Variants in OGFOD1 observed in about 807,000 individuals in gnomAD.
OGFOD1 encodes 2-oxoglutarate and iron dependent oxygenase domain containing 1.
Under a neutral mutation model 67.7 loss-of-function variants are expected in OGFOD1, and 54 were observed. The observed-to-expected ratio is 0.80, with a 90% confidence interval of 0.64 to 1.00. The LOEUF (loss-of-function observed/expected upper bound fraction) is 1.00, where lower values mean the gene tolerates loss of function less well. OGFOD1 is among the 50% of genes least tolerant of loss of function. The probability of loss-of-function intolerance (pLI) is 0.00; values close to 1 mark genes in which losing one functional copy is unlikely to be tolerated. For synonymous variants in OGFOD1, 221 were observed against 227.0 expected (o/e 0.97, Z 0.24); for missense variants, 606 against 646.7 (o/e 0.94, Z 0.68).
At chr16:56,468,222 G>T (rs1962984905) in intron 8 of OGFOD1, among the ~76,000 whole-genome samples, 1 of 152,028 alleles carries the variant, frequency 6.6e-6, no homozygotes, top group African/African-American at 2.4e-5. Flanking sequence ...GAATCCCTTG[G>T]ATATTCCCCA....
In OGFOD1 at chr16:56,462,406, G is replaced by C; in HGVS notation, c.348-128G>C. The C allele has an allele frequency of 1.9e-5, 12 of 626,398 alleles. No individual in the cohort carries two copies. The South Asian group carries it at 2.3e-4, about 12-fold the overall frequency. The allele number at this position is 626,398 out of a possible 1,614,324, so 38.8% of individuals were successfully genotyped here. On this transcript the variant is annotated intron_variant, in intron 3 of 12. Transcript: ENST00000566157. The stretch of plus-strand genomic sequence containing the variant: ...ACATTTCTCAGAATGTCTCAAATGA[G>C]ATCGGAGAATGGATCTCTTGAATAC...
At position 56,476,445 on chromosome 16, in the gene OGFOD1, CT is replaced by C; in HGVS notation, c.*245del. 13 of 326,234 alleles carry C rather than the reference CT, an allele frequency of 4.0e-5. No homozygotes were observed. The highest frequency in any genetic ancestry group is 5.0e-5 in the East Asian group (1 of 19,956). 20.2% of individuals were successfully genotyped at this position (326,234 alleles called of 1,614,324 possible). ...GCTTTTTTTTTTTTAACATTTAGTCCTTTTTCCATATTGGCTTCTTCAGTGA... is the reference window on the plus strand; with the variant it reads ...GCTTTTTTTTTTTTAACATTTAGTCCTTTTCCATATTGGCTTCTTCAGTGA... On this transcript the variant is annotated 3_prime_UTR_variant, in exon 13 of 13. Transcript: ENST00000566157.
intron 10 of OGFOD1, among the ~76,000 whole-genome samples, chr16:56,474,522 G>C (rs180987262): frequency 6.6e-6 from 1 of 151,294 alleles, no homozygotes; most frequent in African/African-American, 2.4e-5. Flanking sequence ...GTTTCTCCAT[G>C]TTGGTCAGGC....
chr16:56,467,306 G>A lies in OGFOD1; in HGVS notation c.786+13G>A. ...CATCCCACAAGATGTAAGAAGAATT[G>A]CTGATATCCTTATCTTAGGAGCTAT... is the stretch of plus-strand genomic sequence containing the variant. On this transcript the variant is annotated intron_variant, in intron 7 of 12. Coordinates refer to ENST00000566157, the MANE Select transcript of OGFOD1 (RefSeq NM_018233.4). 1 of 1,613,892 alleles carries A rather than the reference G, an allele frequency of 6.2e-7. No homozygotes were observed. Among genetic ancestry groups the A allele is most frequent in the Non-Finnish European group, 8.5e-7 (1 of 1,179,938 alleles).
At chr16:56,475,265 A>G (rs981854126) in intron 11 of OGFOD1, among the ~76,000 whole-genome samples, 1 of 152,214 alleles carries the variant, frequency 6.6e-6, no homozygotes, top group Non-Finnish European at 1.5e-5. Flanking sequence ...CTTAATTTTC[A>G]TATTCAAAGT....
intron 4 of OGFOD1, among the ~76,000 whole-genome samples, chr16:56,464,859 A>G (rs1057251904): frequency 5.3e-5 from 8 of 152,118 alleles, no homozygotes; most frequent in Non-Finnish European, 8.8e-5. Flanking sequence ...ATACTTAACA[A>G]TCAAGATCTG....
In OGFOD1 at chr16:56,468,010, T is replaced by C; in HGVS notation, c.892T>C (p.Phe298Leu). 1.3e-6 allele frequency: 2 copies of C among 1,522,190 alleles called. No individual in the cohort carries two copies. Among genetic ancestry groups the C allele is most frequent in the Non-Finnish European group, 1.8e-6 (2 of 1,096,520 alleles). 94.3% of individuals were successfully genotyped at this position (1,522,190 alleles called of 1,614,324 possible). The change falls in exon 8 of 13, where the codon TTT becomes CTT. Residue 298 changes from phenylalanine (F) to leucine (L), a missense_variant. Physicochemically the swap from Phe to Leu is conservative, Grantham distance 22. Coordinates refer to ENST00000566157, the MANE Select transcript of OGFOD1 (RefSeq NM_018233.4). ...EESSEILLKE[F>L]LKPEKFTKVC... ...AAGTTCTGAAATTCTCCTGAAGGAG[T>C]TTCTTAAGGTAAGCTTAGCGTATGT...
In OGFOD1 at chr16:56,469,990, G is replaced by C. The variant is rs778487997; in HGVS notation, c.901-13G>C. The C allele has an allele frequency of 6.2e-7, 1 of 1,612,536 alleles. No homozygotes were observed. Among genetic ancestry groups the C allele is most frequent in the Admixed American group, 1.7e-5 (1 of 59,910 alleles). On this transcript the variant is annotated splice_polypyrimidine_tract_variant and intron_variant, in intron 8 of 12. Transcript: ENST00000566157. ...AGATCTGCTGAATGCTTCTTTATTTGCTCATTTTCTAGCCTGAGAAATTCA... is the reference window on the plus strand; with the variant it reads ...AGATCTGCTGAATGCTTCTTTATTTCCTCATTTTCTAGCCTGAGAAATTCA...
At chr16:56,470,254 G>A in intron 9 of OGFOD1, 172 bp downstream of exon 9, 1 of 669,342 alleles carries the variant, frequency 1.5e-6, no homozygotes. Context: ...ATGCACCAAG[G>A]CTCACACCCA....
chr16:56,470,104 A>G, intron 9 of OGFOD1, 22 bp downstream of exon 9: 1 of 1,603,672 alleles, frequency 6.2e-7, no homozygotes, highest in Non-Finnish European at 8.5e-7. Context: ...CATCTGAGAT[A>G]TTTGCTTCTA....
chr16:56,475,936 T>G, intron 12 of OGFOD1, 108 bp from the exon 13 acceptor site: 1 of 1,000,232 alleles, frequency 1.0e-6, no homozygotes, highest in Non-Finnish European at 1.5e-6. Context: ...GACCCCTCTA[T>G]CCCCAGATTA....
Position 56,470,796 on chromosome 16 carries a change from G to A in OGFOD1, c.1285+5G>A. ...AGGAAAATGAAACAAAGAAAGGTAA[G>A]CTGTTGTTAGGATTTGTCCTTACTT... is the stretch of plus-strand genomic sequence containing the variant. On this transcript the variant is annotated splice_donor_5th_base_variant and intron_variant, in intron 10 of 12. Coordinates refer to ENST00000566157, the MANE Select transcript of OGFOD1 (RefSeq NM_018233.4). 1.3e-6 allele frequency: 2 copies of A among 1,577,346 alleles called. No individual in the cohort carries two copies. The highest frequency in any genetic ancestry group is 1.7e-6 in the Non-Finnish European group (2 of 1,163,640).
At position 56,466,231 on chromosome 16, in the gene OGFOD1, GAGC is replaced by G; in HGVS notation, c.530_532del (p.Ser177del). On this transcript the variant is annotated inframe_deletion, in exon 5 of 13. Transcript: ENST00000566157. ...TGTACCTGGTTCCTCCCTGGGACAGGAGCATGGGTGGTACCCTGGACCTGTACA... is the reference window on the plus strand; with the variant it reads ...TGTACCTGGTTCCTCCCTGGGACAGGATGGGTGGTACCCTGGACCTGTACA... 3.7e-6 allele frequency: 6 copies of G among 1,614,056 alleles called. No individual in the cohort carries two copies. Among genetic ancestry groups the G allele is most frequent in the Non-Finnish European group, 5.1e-6 (6 of 1,179,932 alleles).
At chr16:56,460,178 C>T (rs1469472226) in intron 3 of OGFOD1, among the ~76,000 whole-genome samples, 1 of 152,226 alleles carries the variant, frequency 6.6e-6, no homozygotes, top group Non-Finnish European at 1.5e-5. Flanking sequence ...CACAACACCA[C>T]TCTGCTAAGC....
intron 8 of OGFOD1, among the ~76,000 whole-genome samples, chr16:56,468,263 C>T (rs953513726): frequency 6.6e-6 from 1 of 152,220 alleles, no homozygotes; most frequent in African/African-American, 2.4e-5. Context: ...CACACACACA[C>T]ACAAGCTTCC....
At chr16:56,470,958 G>A (rs1419595664) in intron 10 of OGFOD1, among the ~76,000 whole-genome samples, 167 bp downstream of exon 10, 3 of 152,132 alleles carry the variant, frequency 2.0e-5, no homozygotes, top group African/African-American at 7.2e-5. Context: ...TTACATTCTA[G>A]TAGAAGAAGA....
At chr16:56,470,890 T>C (rs1963140089) in intron 10 of OGFOD1, 99 bp downstream of exon 10, 1 of 1,241,398 alleles carries the variant, frequency 8.1e-7, no homozygotes, top group Non-Finnish European at 1.1e-6. Flanking sequence ...TACTGTGCCC[T>C]AAGCCCTATT....
At chr16:56,464,426 T>G (rs1567549104) in intron 4 of OGFOD1, among the ~76,000 whole-genome samples, 1 of 152,262 alleles carries the variant, frequency 6.6e-6, no homozygotes, top group Non-Finnish European at 1.5e-5. Flanking sequence ...TTCGATTTGC[T>G]TATTTTAGCA....
intron 2 of OGFOD1, among the ~76,000 whole-genome samples, chr16:56,455,323 C>T (rs934027775): frequency 6.0e-4 from 91 of 150,940 alleles, no homozygotes; most frequent in African/African-American, 2.0e-3. Flanking sequence ...GCTGAGATCG[C>T]GCCACTGTAC....
Sources: gnomAD v4.1 joint callset for allele counts (sites outside exome capture counted in the v4.1 genomes callset) on GRCh38, gnomAD v4.1.1 for gene constraint, MANE v1.5 for transcripts, NCBI Gene and HGNC (gene_info 2026-07-23, HGNC 2026-07-21) for gene names.